FAM81A: variants seen among roughly 807,000 people sequenced by gnomAD.
The protein encoded by FAM81A is protein FAM81A.
FAM81A carries 19 observed loss-of-function variants against 46.7 expected under a neutral mutation model. The ratio of observed to expected loss-of-function variants is 0.41; its 90% CI spans 0.28 to 0.60. The LOEUF (loss-of-function observed/expected upper bound fraction) is 0.60. FAM81A is among the 20% of genes least tolerant of loss of function. The pLI is 0.34. For missense variants in FAM81A, 377 were observed against 453.5 expected, an observed-to-expected ratio of 0.83 and a Z score of 1.53; for synonymous variants, 183 against 152.9, an observed-to-expected ratio of 1.20 and a Z score of -1.45.
intron 4 of FAM81A, among the ~76,000 whole-genome samples, chr15:59,496,239 T>G (rs1039058203): frequency 4.6e-5 from 7 of 152,248 alleles, no homozygotes; most frequent in Non-Finnish European, 1.0e-4. Context: ...CTTGTAGATA[T>G]CTATTTATCC....
intron 3 of FAM81A, among the ~76,000 whole-genome samples, chr15:59,471,993 T>G (rs1203855372): frequency 6.6e-6 from 1 of 152,202 alleles, no homozygotes; most frequent in African/African-American, 2.4e-5. Context: ...CTTTGGTGCC[T>G]TATGGTATCC....
intron 5 of FAM81A, among the ~76,000 whole-genome samples, chr15:59,508,222 G>C (rs546768020): frequency 9.3e-4 from 142 of 152,298 alleles, no homozygotes; most frequent in African/African-American, 3.0e-3. Flanking sequence ...AGTCAAATAT[G>C]TACAGATATC....
At chr15:59,424,602 G>A (rs754701836) in intron 2 of FAM81A, among the ~76,000 whole-genome samples, 1 of 152,144 alleles carries the variant, frequency 6.6e-6, no homozygotes, top group Non-Finnish European at 1.5e-5. Context: ...CACTGAATCT[G>A]CTTTTCCCAC....
At chr15:59,497,177 G>T (rs2082043133) in intron 4 of FAM81A, among the ~76,000 whole-genome samples, 1 of 151,572 alleles carries the variant, frequency 6.6e-6, no homozygotes, top group African/African-American at 2.4e-5. Context: ...GCTAGGCATG[G>T]CGGCTCACGC....
chr15:59,458,702 C>G, intron 2 of FAM81A, 56 bp downstream of exon 2: 2 of 1,494,798 alleles, frequency 1.3e-6, no homozygotes, highest in South Asian at 1.1e-5. Flanking sequence ...GTGATAGTTA[C>G]AAATCAAAGC....
intron 4 of FAM81A, among the ~76,000 whole-genome samples, chr15:59,504,675 G>T (rs540298829): frequency 2.0e-4 from 31 of 152,062 alleles, no homozygotes; most frequent in African/African-American, 7.5e-4. Flanking sequence ...TGGCTTGTGG[G>T]TGATATTTTT....
Position 59,474,106 on chromosome 15 carries a change from C to G in FAM81A, c.294+13900C>G, listed in dbSNP as rs546710493. Reference sequence around the variant, plus strand: ...CCAGTTTCCTTTCCCTCAGTGTATCCTGGACACTGAACTCGTGCCACTCTT... The same window carrying G: ...CCAGTTTCCTTTCCCTCAGTGTATCGTGGACACTGAACTCGTGCCACTCTT... On this transcript the variant is annotated intron_variant, in intron 3 of 8. Coordinates refer to ENST00000288228, the MANE Select transcript of FAM81A (RefSeq NM_152450.3). Among the ~76,000 whole-genome samples the G allele has an allele frequency of 4.6e-5, 7 of 152,254 alleles. No individual in the cohort carries two copies. The South Asian group carries it at 1.5e-3, about 32-fold the overall frequency.
rs1357287283 is a variant in FAM81A at position 59,521,667 on chromosome 15, G to A, written c.*289G>A. On this transcript the variant is annotated 3_prime_UTR_variant, in exon 9 of 9. Coordinates refer to ENST00000288228, the MANE Select transcript of FAM81A (RefSeq NM_152450.3). ...ATCTTCTTCATTTTACGAATGGAAA[G>A]ACGACAATTTTTCTTCAATGCTTGA... The A allele has an allele frequency of 2.0e-5, 5 of 245,126 alleles. No homozygotes were observed. Among genetic ancestry groups the A allele is most frequent in the Non-Finnish European group, 3.1e-5 (4 of 129,560 alleles). The allele number at this position is 245,126 out of a possible 1,614,324, so 15.2% of individuals were successfully genotyped here.
At chr15:59,518,759 C>A (rs760868986) in intron 8 of FAM81A, among the ~76,000 whole-genome samples, 29 of 151,512 alleles carry the variant, frequency 1.9e-4, no homozygotes, top group African/African-American at 6.1e-4. Context: ...TTATAGCAAC[C>A]CTTTTCCAGT....
chr15:59,504,503 A>C lies in FAM81A; in HGVS notation c.414-2710A>C, dbSNP rs1039453549. On this transcript the variant is annotated intron_variant, in intron 4 of 8. Coordinates refer to ENST00000288228, the MANE Select transcript of FAM81A (RefSeq NM_152450.3). ...TGTTGCAAAGTAAGAGTCTATAAGA[A>C]AGTTGGAATAATTGAGCTGGTAGCT... Among the ~76,000 whole-genome samples, 3 of 152,192 alleles carry C rather than the reference A, an allele frequency of 2.0e-5. No homozygotes were observed. In the East Asian group the frequency reaches 5.8e-4, roughly 29 times the overall value.
chr15:59,516,827 A>G lies in FAM81A; in HGVS notation c.969A>G (p.Ala323=), dbSNP rs763394381. Residue 323 remains alanine (A), a synonymous_variant, in exon 8 of 9, where the codon GCA becomes GCG. Transcript: ENST00000288228. ...ACCAGAACATCAAGGAAATGAAAGC[A>G]GAAGTTAATGCTGGTAGGCCAAAAC... is the stretch of plus-strand genomic sequence containing the variant. ...QMNQNIKEMK[A]EVNAGFTAVY... is the part of the protein sequence containing the mutation. 1 of 1,602,486 alleles carries G rather than the reference A, an allele frequency of 6.2e-7. No homozygotes were observed. The highest frequency in any genetic ancestry group is 8.5e-7 in the Non-Finnish European group (1 of 1,176,244).
At chr15:59,509,108 G>A in intron 6 of FAM81A, 139 bp downstream of exon 6, 1 of 634,634 alleles carries the variant, frequency 1.6e-6, no homozygotes, top group South Asian at 2.2e-5. Flanking sequence ...AAGTTTCCTT[G>A]TATCATGTTG....
intron 2 of FAM81A, 71 bp from the exon 3 acceptor site, chr15:59,459,862 T>G (rs2081529616): frequency 6.8e-7 from 1 of 1,467,842 alleles, no homozygotes. Flanking sequence ...CAGACTTCTC[T>G]GGGAAGTTTT....
rs746027812 is a variant in FAM81A at position 59,442,383 on chromosome 15, C to T, written c.-78+4101C>T. Among the ~76,000 whole-genome samples the T allele has an allele frequency of 9.5e-4, 144 of 152,062 alleles. 1 individual carries two copies. Among genetic ancestry groups the T allele is most frequent in the Middle Eastern group, 3.4e-3 (1 of 294 alleles). On this transcript the variant is annotated intron_variant, in intron 1 of 8. Transcript: ENST00000288228. ...ATCCCAGCACTTTGGGAGGCCAAGG[C>T]GGGTGTATCACCTGAGGTCAGGAGT...
At chr15:59,488,241 C>A (rs894367374) in intron 3 of FAM81A, among the ~76,000 whole-genome samples, 1 of 152,056 alleles carries the variant, frequency 6.6e-6, no homozygotes, top group East Asian at 1.9e-4. Flanking sequence ...GAAAAACCCT[C>A]AAAAAACTAG....
intron 2 of FAM81A, chr15:59,406,967 C>G (rs1353368085): frequency 6.3e-6 from 1 of 159,880 alleles, no homozygotes; most frequent in Non-Finnish European, 1.4e-5. Flanking sequence ...TACATTTAAC[C>G]CAGTTTGGTG....
intron 2 of FAM81A, among the ~76,000 whole-genome samples, chr15:59,415,049 C>A (rs1251775199): frequency 1.3e-5 from 2 of 151,824 alleles, no homozygotes; most frequent in Non-Finnish European, 2.9e-5. Context: ...ATCTCCTGAC[C>A]TCACGATCTG....
At position 59,495,076 on chromosome 15, in the gene FAM81A, A is replaced by T. The variant is rs2082020090; in HGVS notation, c.413+2687A>T. 3.9e-5 allele frequency among the ~76,000 whole-genome samples: 6 copies of T among 152,320 alleles called. No homozygotes were observed. The South Asian group carries it at 1.2e-3, about 32-fold the overall frequency. On this transcript the variant is annotated intron_variant, in intron 4 of 8. Transcript: ENST00000288228. The stretch of plus-strand genomic sequence containing the variant: ...TATATAAGTCACCTACTTAAAGCAC[A>T]CAATTCAGTGATTTTTAGTGTATTC...
upstream of FAM81A, among the ~76,000 whole-genome samples, chr15:59,435,966 C>T (rs903971744): frequency 1.3e-4 from 20 of 152,102 alleles, no homozygotes; most frequent in African/African-American, 4.8e-4. Context: ...ATTTTGTCCC[C>T]TTGGGATTCA....
Sources: allele counts gnomAD v4.1 joint callset (sites outside exome capture counted in the v4.1 genomes callset), GRCh38; gene constraint gnomAD v4.1.1; transcripts MANE v1.5; gene names NCBI Gene and HGNC (gene_info 2026-07-23, HGNC 2026-07-21).